Variants in MYRFL observed in about 807,000 individuals in gnomAD.
MYRFL encodes myelin regulatory factor-like protein.
A neutral mutation model predicts 109.4 loss-of-function variants in MYRFL; 88 were observed. That is an observed-to-expected ratio of 0.80 (90% CI 0.68 to 0.96). The LOEUF is 0.96. Among genes scored for constraint, MYRFL ranks in the 40% least tolerant of loss-of-function variants. MYRFL has a pLI of 0.00. For synonymous variants in MYRFL, 324 were observed against 320.9 expected (o/e 1.01, Z -0.10); for missense variants, 957 against 954.9 (o/e 1.00, Z -0.03).
At chr12:69,868,475 T>C (rs930258294) in intron 2 of MYRFL, among the ~76,000 whole-genome samples, 5 of 152,044 alleles carry the variant, frequency 3.3e-5, no homozygotes, top group Admixed American at 6.6e-5. Context: ...ATGAGAGTTG[T>C]GGAGGTTAAA....
At chr12:69,934,377 G>C (rs1377675711) in intron 16 of MYRFL, among the ~76,000 whole-genome samples, 1 of 152,224 alleles carries the variant, frequency 6.6e-6, no homozygotes. Flanking sequence ...GGGTGCCTGG[G>C]ACCCTGAAGC....
chr12:69,852,664 A>G (rs140512818), intron 1 of MYRFL, among the ~76,000 whole-genome samples: 2,154 of 144,990 alleles, frequency 0.015, 60 homozygotes, highest in African/African-American at 0.054. Flanking sequence ...ATAGGACAAT[A>G]GTGGAGGGAA....
intron 1 of MYRFL, among the ~76,000 whole-genome samples, chr12:69,829,385 T>C (rs1277901512): frequency 6.6e-6 from 1 of 151,708 alleles, no homozygotes; most frequent in Non-Finnish European, 1.5e-5. Context: ...TTCAGGAAAA[T>C]GGGGGAAATG....
intron 7 of MYRFL, among the ~76,000 whole-genome samples, chr12:69,892,841 G>C (rs74101373): frequency 0.029 from 4,379 of 152,136 alleles, 217 homozygotes; most frequent in African/African-American, 0.1. Context: ...CCACCATTTG[G>C]TAGCCTATTT....
chr12:69,938,664 A>AT (rs1249268190), intron 19 of MYRFL, among the ~76,000 whole-genome samples: 1 of 152,198 alleles, frequency 6.6e-6, no homozygotes, highest in Non-Finnish European at 1.5e-5. Flanking sequence ...GTAAAAAAAA[A>AT]TTTTAAATAA....
intron 11 of MYRFL, among the ~76,000 whole-genome samples, chr12:69,908,336 A>G (rs1371826491): frequency 6.6e-6 from 1 of 152,206 alleles, no homozygotes; most frequent in African/African-American, 2.4e-5. Flanking sequence ...CATGCTATGA[A>G]GGAGAACTGG....
chr12:69,914,379 T>C (rs1279938154), intron 13 of MYRFL, among the ~76,000 whole-genome samples: 1 of 152,164 alleles, frequency 6.6e-6, no homozygotes, highest in East Asian at 1.9e-4. Flanking sequence ...ACACAGCTAT[T>C]AGTCCCAGGG....
chr12:69,939,918 C>T (rs1014834678), intron 19 of MYRFL, among the ~76,000 whole-genome samples: 13 of 151,840 alleles, frequency 8.6e-5, no homozygotes, highest in Non-Finnish European at 1.5e-4. Context: ...GGAGCCGATG[C>T]GATCAACTGG....
At chr12:69,843,468 A>T (rs984179618) in intron 1 of MYRFL, among the ~76,000 whole-genome samples, 2 of 152,232 alleles carry the variant, frequency 1.3e-5, no homozygotes, top group Non-Finnish European at 2.9e-5. Flanking sequence ...GGGGAAAGTG[A>T]TGAAGAAAGC....
chr12:69,840,256 G>A (rs566639422), intron 1 of MYRFL, among the ~76,000 whole-genome samples: 9 of 152,066 alleles, frequency 5.9e-5, no homozygotes, highest in South Asian at 4.1e-4. Flanking sequence ...ATATTTTTCC[G>A]AATTACAAAT....
Position 69,879,346 on chromosome 12 carries a change from C to T in MYRFL, c.357C>T (p.Ser119=). The change falls in exon 4 of 25, where the codon AGC becomes AGT. Residue 119 remains serine, a synonymous_variant. Transcript: ENST00000552032. ...GCCAAATCCACGGAGGCTTTCACAG[C>T]TGCCACTCAAACGCCAGTCATCTTG... is the stretch of plus-strand genomic sequence containing the variant. ...DSCQIHGGFH[S]CHSNASHLAT... is the part of the protein sequence containing the mutation. 1.4e-6 allele frequency: 1 copy of T among 702,932 alleles called. No homozygotes were observed. The highest frequency in any genetic ancestry group is 2.6e-6 in the Non-Finnish European group (1 of 384,860). 43.5% of individuals were successfully genotyped at this position (702,932 alleles called of 1,614,324 possible).
chr12:69,833,718 G>A (rs1882770882), intron 1 of MYRFL, among the ~76,000 whole-genome samples: 1 of 152,092 alleles, frequency 6.6e-6, no homozygotes, highest in Non-Finnish European at 1.5e-5. Context: ...TGGCTCTGAA[G>A]GCTTGTGTCC....
rs34589303 is a variant in MYRFL at position 69,889,855 on chromosome 12, C to CA, written c.708-1105dup. 3.6e-3 allele frequency among the ~76,000 whole-genome samples: 502 copies of CA among 138,180 alleles called. 1 individual carries two copies. The highest frequency in any genetic ancestry group is 4.3e-3 in the Non-Finnish European group (271 of 63,482). 90.7% of individuals were successfully genotyped at this position (138,180 alleles called of 152,430 possible). On this transcript the variant is annotated intron_variant, in intron 6 of 24. Coordinates refer to ENST00000552032, the MANE Select transcript of MYRFL (RefSeq NM_182530.3). ...TGGGCGACAGAGCGAGACTCTGTCT[C>CA]AAAAAAAAAAAGTTTAGGATCTTGG...
chr12:69,895,856 A>T (rs1953976381), intron 9 of MYRFL, among the ~76,000 whole-genome samples: 1 of 152,152 alleles, frequency 6.6e-6, no homozygotes, highest in African/African-American at 2.4e-5. Context: ...GACCTTTTTG[A>T]TTAAAAAAGA....
At chr12:69,932,620 T>G (rs772337147) in intron 16 of MYRFL, 22 bp downstream of exon 16, 42 of 1,498,568 alleles carry the variant, frequency 2.8e-5, no homozygotes, top group Middle Eastern at 1.7e-4. Context: ...TTCACTGTTA[T>G]GCCATGTCAA....
chr12:69,918,733 T>C (rs1954821053), intron 13 of MYRFL, among the ~76,000 whole-genome samples: 1 of 152,236 alleles, frequency 6.6e-6, no homozygotes, highest in African/African-American at 2.4e-5. Flanking sequence ...CTCTTTCTTA[T>C]GTTAGCTATT....
At chr12:69,934,188 C>T (rs1955372410) in intron 16 of MYRFL, among the ~76,000 whole-genome samples, 1 of 152,208 alleles carries the variant, frequency 6.6e-6, no homozygotes, top group Non-Finnish European at 1.5e-5. Flanking sequence ...TCGCTGGACT[C>T]ACAGCAGTGG....
At chr12:69,887,047 G>A (rs925112939) in intron 6 of MYRFL, 77 bp downstream of exon 6, 6 of 1,445,270 alleles carry the variant, frequency 4.2e-6, no homozygotes, top group Non-Finnish European at 5.6e-6. Flanking sequence ...AAGCACTGGA[G>A]CTTTGATGTC....
chr12:69,875,182 T>C (rs868369290), intron 2 of MYRFL, among the ~76,000 whole-genome samples: 1 of 151,418 alleles, frequency 6.6e-6, no homozygotes, highest in African/African-American at 2.4e-5. Context: ...TTTTTCTCTC[T>C]CTTTTTTAAA....
Sources: gnomAD v4.1 joint callset for allele counts (sites outside exome capture counted in the v4.1 genomes callset) on GRCh38, gnomAD v4.1.1 for gene constraint, MANE v1.5 for transcripts, NCBI Gene and HGNC (gene_info 2026-07-23, HGNC 2026-07-21) for gene names.